The following EPHX3 variants were observed in gnomAD, a reference collection of about 807,000 sequenced individuals.
The protein encoded by EPHX3 is epoxide hydrolase 3, also known as abhydrolase domain containing 9.
EPHX3 carries 39 observed loss-of-function variants against 40.2 expected under a neutral mutation model. That is an observed-to-expected ratio of 0.97 (90% CI 0.75 to 1.27). The LOEUF (loss-of-function observed/expected upper bound fraction) is 1.27. Ranked by LOEUF, EPHX3 falls within the 50% of genes most tolerant of loss-of-function variation. EPHX3 has a pLI of 0.00. For missense variants in EPHX3, 442 were observed against 474.0 expected, an observed-to-expected ratio of 0.93 and a Z score of 0.63; for synonymous variants, 213 against 209.7, an observed-to-expected ratio of 1.02 and a Z score of -0.14.
chr19:15,231,910 CTTGAACCG>C, intron 1 of EPHX3, 49 bp from the exon 2 acceptor site: 5 of 1,613,026 alleles, frequency 3.1e-6, no homozygotes, highest in Non-Finnish European at 3.4e-6. Flanking sequence ...TCTCCCGAGG[CTTGAACCG>C]TCTCGACCCC....
At chr19:15,230,653 A>ATTTTT (rs35540856) in intron 4 of EPHX3, among the ~76,000 whole-genome samples, 1 of 135,134 alleles carries the variant, frequency 7.4e-6, no homozygotes. Flanking sequence ...GGCTAATTAC[A>ATTTTT]TTTTTTTTTT....
intron 4 of EPHX3, among the ~76,000 whole-genome samples, chr19:15,229,543 C>T (rs895045460): frequency 4.9e-5 from 7 of 141,814 alleles, no homozygotes; most frequent in East Asian, 4.2e-4. Context: ...CGGAGGTTGC[C>T]GTGAGCCGAC....
upstream of EPHX3, among the ~76,000 whole-genome samples, chr19:15,234,121 T>G (rs2047174686): frequency 1.3e-5 from 2 of 151,752 alleles, 1 homozygote; most frequent in South Asian, 4.2e-4. Context: ...CCCGATATCC[T>G]TGAACATTTT....
chr19:15,230,081 C>T (rs1396133060), intron 4 of EPHX3, among the ~76,000 whole-genome samples: 1 of 151,656 alleles, frequency 6.6e-6, no homozygotes, highest in Admixed American at 6.6e-5. Context: ...AGCCCAGGAG[C>T]CTTAAGTAGG....
Position 15,232,158 on chromosome 19 carries a change from C to G in EPHX3, c.54G>C (p.Lys18Asn). 1 of 1,528,388 alleles carries G rather than the reference C, an allele frequency of 6.5e-7. No individual in the cohort carries two copies. Among genetic ancestry groups the G allele is most frequent in the East Asian group, 2.5e-5 (1 of 39,584 alleles). 94.7% of individuals were successfully genotyped at this position (1,528,388 alleles called of 1,614,324 possible). A position where few individuals can be genotyped will look rare whatever the true frequency, so the allele number is the denominator to read the frequency against. The change falls in exon 1 of 7, where the codon AAG becomes AAC. Residue 18 changes from lysine (K) to asparagine (N), a missense_variant. Physicochemically the swap from Lys to Asn is moderately conservative, Grantham distance 94. Transcript: ENST00000221730. Reference protein sequence around the residue: ...ALLAPSRLSLKLLRAFMWSLV... With the variant: ...ALLAPSRLSLNLLRAFMWSLV... ...GGCTCCACATGAAGGCGCGCAGCAG[C>G]TTCAGCGACAGGCGCGACGGCGCCA...
At chr19:15,229,717 A>AC (rs2047139164) in intron 4 of EPHX3, among the ~76,000 whole-genome samples, 1 of 150,864 alleles carries the variant, frequency 6.6e-6, no homozygotes, top group African/African-American at 2.4e-5. Flanking sequence ...ACATGGTGAA[A>AC]CCCCGTCTCT....
intron 2 of EPHX3, 55 bp downstream of exon 2, chr19:15,231,721 A>G (rs2145485160): frequency 6.3e-7 from 1 of 1,575,488 alleles, no homozygotes. Context: ...TTGGGAGCCC[A>G]AGCTCCACCT....
In EPHX3 at chr19:15,227,411, C is replaced by T. The variant is rs776609731; in HGVS notation, c.*26G>A. On this transcript the variant is annotated 3_prime_UTR_variant, in exon 7 of 7. Coordinates refer to ENST00000221730, the MANE Select transcript of EPHX3 (RefSeq NM_024794.3). ...GTGTGTTCCTTCCTGAGTATCCATG[C>T]CTCCTGGGCAGGCCAGCAAGGACCA... is the stretch of plus-strand genomic sequence containing the variant. 5 of 1,586,180 alleles carry T rather than the reference C, an allele frequency of 3.2e-6. No individual in the cohort carries two copies. The highest frequency in any genetic ancestry group is 3.5e-6 in the Non-Finnish European group (4 of 1,155,030).
Position 15,227,206 on chromosome 19 carries a change from C to G in EPHX3, c.*231G>C. The stretch of plus-strand genomic sequence containing the variant: ...GAGAGGTATACCCAGTTCCCAGGGT[C>G]AAAGTGTTTGTTACACACACATGCA... On this transcript the variant is annotated 3_prime_UTR_variant, in exon 7 of 7. Coordinates refer to ENST00000221730, the MANE Select transcript of EPHX3 (RefSeq NM_024794.3). 2 of 553,782 alleles carry G rather than the reference C, an allele frequency of 3.6e-6. No individual in the cohort carries two copies. 34.3% of individuals were successfully genotyped at this position (553,782 alleles called of 1,614,324 possible).
rs1259326933 is a variant in EPHX3 at position 15,232,386 on chromosome 19, A to G, written c.-175T>C. ...GGCGGCTCCGACAGAAAACAGCCAG[A>G]GCGCACCACTCACCTGAGTGCCAGG... On this transcript the variant is annotated 5_prime_UTR_variant, in exon 1 of 7. Transcript: ENST00000221730. The G allele has an allele frequency of 7.3e-7, 1 of 1,371,812 alleles. No homozygotes were observed. The highest frequency in any genetic ancestry group is 3.0e-5 in the East Asian group (1 of 33,056). 85.0% of individuals were successfully genotyped at this position (1,371,812 alleles called of 1,614,324 possible).
In EPHX3 at chr19:15,231,320, GGCCATAGCCTCGCAAGTCCACA is replaced by G. The variant is rs2047152537; in HGVS notation, c.384_405del (p.Val129ProfsTer25). 6.2e-7 allele frequency: 1 copy of G among 1,613,780 alleles called. No individual in the cohort carries two copies. The highest frequency in any genetic ancestry group is 1.1e-5 in the South Asian group (1 of 91,086). On this transcript the variant is annotated frameshift_variant, in exon 3 of 7. Transcript: ENST00000221730. LOFTEE classifies it high-confidence loss of function. ...TCCACATCCCGAGGTGCATCCGAGGGGCCATAGCCTCGCAAGTCCACAGCCACAACATGGAAGCGGCTCTGGA... is the reference window on the plus strand; with the variant it reads ...TCCACATCCCGAGGTGCATCCGAGGGGCCACAACATGGAAGCGGCTCTGGA...
At chr19:15,228,121 G>T in intron 4 of EPHX3, 21 bp from the exon 5 acceptor site, 1 of 1,535,862 alleles carries the variant, frequency 6.5e-7, no homozygotes, top group South Asian at 1.2e-5. Flanking sequence ...AGGGTTGGGG[G>T]AGAGATATAA....
At chr19:15,231,615 C>CAA (rs2047154818) in intron 2 of EPHX3, among the ~76,000 whole-genome samples, 161 bp downstream of exon 2, 1 of 152,212 alleles carries the variant, frequency 6.6e-6, no homozygotes, top group Admixed American at 6.5e-5. Flanking sequence ...TGTCCTGTCC[C>CAA]TTCAGGGCCT....
At position 15,232,064 on chromosome 19, in the gene EPHX3, G is replaced by T; in HGVS notation, c.148C>A (p.Arg50=). 7.0e-6 allele frequency: 11 copies of T among 1,573,928 alleles called. No individual in the cohort carries two copies. The highest frequency in any genetic ancestry group is 9.4e-6 in the Non-Finnish European group (11 of 1,166,678). Residue 50 remains arginine, a synonymous_variant, in exon 1 of 7, where the codon CGG becomes AGG. Transcript: ENST00000221730. ...CGCCCGCAGCAGCCGCGCCGGGGCC[G>T]GCACAGCACGTGCGTGAGCGCTATG... The part of the protein sequence containing the change: ...GCIALTHVLC[R]PRRGCCGRRR...
chr19:15,231,784 A>C lies in EPHX3; in HGVS notation c.321T>G (p.Pro107=). Residue 107 remains proline, a synonymous_variant, in exon 2 of 7, where the codon CCT becomes CCG. Coordinates refer to ENST00000221730, the MANE Select transcript of EPHX3 (RefSeq NM_024794.3). The part of the protein sequence containing the change: ...GPLMLFLHGF[P]ENWFSWRYQL... The stretch of plus-strand genomic sequence containing the variant: ...CCTGGCCCCAGACGTACCAGTTCTC[A>C]GGGAAGCCGTGCAGAAACAGCATGA... 6.2e-7 allele frequency: 1 copy of C among 1,613,888 alleles called. No individual in the cohort carries two copies.
At chr19:15,233,525 A>C (rs1257222361), upstream of EPHX3, 1 of 152,150 alleles carries the variant, frequency 6.6e-6, no homozygotes, top group Non-Finnish European at 1.5e-5. Flanking sequence ...GGCGGCGGCC[A>C]CTGATGTTCA....
chr19:15,227,798 G>A lies in EPHX3; in HGVS notation c.830C>T (p.Pro277Leu). 8 of 1,614,012 alleles carry A rather than the reference G, an allele frequency of 5.0e-6. No individual in the cohort carries two copies. Among genetic ancestry groups the A allele is most frequent in the Non-Finnish European group, 6.8e-6 (8 of 1,180,014 alleles). Reference sequence around the variant, plus strand: ...GAAGAGGTTTCGGTAGTAGTTGAGGGGCCCAGTGAGGCCACCAGGCTGTGA... The same window carrying A: ...GAAGAGGTTTCGGTAGTAGTTGAGGAGCCCAGTGAGGCCACCAGGCTGTGA... ...NFSQPGGLTG[P>L]LNYYRNLFRN... Residue 277 changes from proline to leucine, a missense_variant, in exon 6 of 7, where the codon CCC (proline) becomes CTC (leucine). Pro to Leu is a moderately conservative substitution (Grantham distance 98). Coordinates refer to ENST00000221730, the MANE Select transcript of EPHX3 (RefSeq NM_024794.3).
chr19:15,236,351 T>C (rs2047191867), upstream of EPHX3: 1 of 151,870 alleles, frequency 6.6e-6, no homozygotes. Flanking sequence ...TGGACAGGAA[T>C]GTGTGTGTAT....
At chr19:15,229,624 G>A (rs1384795226) in intron 4 of EPHX3, among the ~76,000 whole-genome samples, 14 of 149,760 alleles carry the variant, frequency 9.3e-5, no homozygotes, top group Non-Finnish European at 1.8e-4. Context: ...GCCAGGCGTG[G>A]TGGCTCACGC....
Sources: allele counts gnomAD v4.1 joint callset (sites outside exome capture counted in the v4.1 genomes callset), GRCh38; gene constraint gnomAD v4.1.1; transcripts MANE v1.5; gene names NCBI Gene and HGNC (gene_info 2026-07-23, HGNC 2026-07-21).